ADARB2: variants seen among roughly 807,000 people sequenced by gnomAD.
ADARB2 encodes the protein adenosine deaminase RNA specific B2 (inactive).
ADARB2 carries 25 observed loss-of-function variants against 62.2 expected under a neutral mutation model. That is an observed-to-expected ratio of 0.40 (90% confidence interval 0.29 to 0.56). ADARB2 has a LOEUF of 0.56. ADARB2 is among the 20% of genes least tolerant of loss of function. The pLI, the probability that ADARB2 is intolerant of heterozygous loss-of-function variation, is 0.43. For synonymous variants in ADARB2, 572 were observed against 500.8 expected (o/e 1.14, Z -1.90); for missense variants, 1,071 against 1,077.4 (o/e 0.99, Z 0.08).
intron 1 of ADARB2, among the ~76,000 whole-genome samples, chr10:1,563,778 C>G (rs1203506957): frequency 1.1e-3 from 120 of 113,566 alleles, no homozygotes; most frequent in African/African-American, 3.4e-3. Context: ...TATCCCTCCC[C>G]CCTCCCCCCA....
chr10:1,737,211 T>C lies in ADARB2; in HGVS notation c.-61A>G. On this transcript the variant is annotated 5_prime_UTR_variant, in exon 1 of 10. Coordinates refer to ENST00000381312, the MANE Select transcript of ADARB2 (RefSeq NM_018702.4). ...CCTCCTGCACCTGCACCTGCCTCCT[T>C]CCCGGCAGCCGCCGCCGCCGCTGCT... is the stretch of plus-strand genomic sequence containing the variant. The C allele has an allele frequency of 2.6e-6, 4 of 1,553,228 alleles. No homozygotes were observed. Among genetic ancestry groups the C allele is most frequent in the African/African-American group, 1.4e-5 (1 of 74,008 alleles).
intron 1 of ADARB2, among the ~76,000 whole-genome samples, chr10:1,510,124 CTTTCTT>C (rs1554767648): frequency 1.7e-5 from 2 of 117,664 alleles, no homozygotes; most frequent in South Asian, 5.4e-4. Flanking sequence ...TTCTTTCTTT[CTTTCTT>C]TCTTTCTTTC....
At position 1,183,080 on chromosome 10, in the gene ADARB2, G is replaced by C. The variant is rs1239813447; in HGVS notation, c.*113C>G. ...AACATTGCACACTCGCGTGTTTCTG[G>C]GACACCAAAGTAAAACGAATGCAGG... is the stretch of plus-strand genomic sequence containing the variant. On this transcript the variant is annotated 3_prime_UTR_variant, in exon 10 of 10. Transcript: ENST00000381312. The C allele has an allele frequency of 4.0e-6, 5 of 1,238,400 alleles. No homozygotes were observed. The South Asian group carries it at 5.9e-5, about 15-fold the overall frequency. 76.7% of individuals were successfully genotyped at this position (1,238,400 alleles called of 1,614,324 possible). A position where few individuals can be genotyped will look rare whatever the true frequency, so the allele number is the denominator to read the frequency against.
intron 1 of ADARB2, among the ~76,000 whole-genome samples, chr10:1,508,755 C>T (rs930003215): frequency 1.3e-5 from 2 of 152,168 alleles, no homozygotes; most frequent in Admixed American, 1.3e-4. Context: ...TACACTCCAG[C>T]CTGGGTGACA....
intron 1 of ADARB2, among the ~76,000 whole-genome samples, chr10:1,609,472 C>G (rs1833540079): frequency 6.6e-6 from 1 of 152,248 alleles, no homozygotes; most frequent in Non-Finnish European, 1.5e-5. Context: ...CAAGAAGCCT[C>G]CTGGCCCGAG....
chr10:1,507,698 G>A (rs2131942424), intron 1 of ADARB2, among the ~76,000 whole-genome samples: 2 of 152,308 alleles, frequency 1.3e-5, no homozygotes, highest in South Asian at 4.1e-4. Context: ...GGAGGGGCAG[G>A]GTGCTGTCTG....
In ADARB2 at chr10:1,514,637, C is replaced by T. The variant is rs570778955; in HGVS notation, c.101-135477G>A. Among the ~76,000 whole-genome samples, 135 of 151,850 alleles carry T rather than the reference C, an allele frequency of 8.9e-4. 1 individual carries two copies. In the South Asian group the frequency reaches 0.017, roughly 19 times the overall value. ...CTTGGAGTGCTTGAAATGTGGCTGC[C>T]GAGACAGAGGAACTGAATTTTAAGT... On this transcript the variant is annotated intron_variant, in intron 1 of 9. Coordinates refer to ENST00000381312, the MANE Select transcript of ADARB2 (RefSeq NM_018702.4).
intron 1 of ADARB2, among the ~76,000 whole-genome samples, chr10:1,567,275 C>T (rs143277914): frequency 2.0e-5 from 3 of 152,250 alleles, no homozygotes; most frequent in Non-Finnish European, 4.4e-5. Context: ...ACTTCAAATC[C>T]TTTTCCAAGA....
chr10:1,348,284 C>T (rs1054139914), intron 3 of ADARB2, among the ~76,000 whole-genome samples: 5 of 152,140 alleles, frequency 3.3e-5, no homozygotes, highest in African/African-American at 1.2e-4. Flanking sequence ...TGCCTGTGCT[C>T]GTGGAAAGCT....
chr10:1,387,310 T>C (rs977667812), intron 1 of ADARB2, among the ~76,000 whole-genome samples: 48 of 151,576 alleles, frequency 3.2e-4, no homozygotes, highest in African/African-American at 1.2e-3. Flanking sequence ...GAAAAAACCC[T>C]AATGAAGCAA....
chr10:1,255,828 G>A lies in ADARB2; in HGVS notation c.1193-13529C>T, dbSNP rs1831074803. 6.6e-6 allele frequency among the ~76,000 whole-genome samples: 1 copy of A among 152,168 alleles called. No individual in the cohort carries two copies. The highest frequency in any genetic ancestry group is 6.5e-5 in the Admixed American group (1 of 15,278). On this transcript the variant is annotated intron_variant, in intron 4 of 9. Transcript: ENST00000381312. The surrounding 1 kb of genome is among the most constrained non-coding windows in gnomAD (Gnocchi z 4.7). ...CTCATGGTGGGTCAAACACACTATAGCCCCATCAGCGGGCAGGACAAGTTG... is the reference window on the plus strand; with the variant it reads ...CTCATGGTGGGTCAAACACACTATAACCCCATCAGCGGGCAGGACAAGTTG...
intron 1 of ADARB2, among the ~76,000 whole-genome samples, chr10:1,653,280 T>C (rs1429374757): frequency 6.6e-6 from 1 of 152,084 alleles, no homozygotes; most frequent in Non-Finnish European, 1.5e-5. Flanking sequence ...GCAGAAGGAC[T>C]TGGGGAGACA....
Position 1,552,751 on chromosome 10 carries a change from C to A in ADARB2, c.101-173591G>T, listed in dbSNP as rs566697127. 3.9e-5 allele frequency among the ~76,000 whole-genome samples: 6 copies of A among 152,098 alleles called. No homozygotes were observed. In the South Asian group the frequency reaches 1.0e-3, roughly 26 times the overall value. Reference sequence around the variant, plus strand: ...GGAGGGAGGGAAGGGGAGAGAAGGGCTTGAAGAGTGGCCCTGGAGTCAGAG... The same window carrying A: ...GGAGGGAGGGAAGGGGAGAGAAGGGATTGAAGAGTGGCCCTGGAGTCAGAG... On this transcript the variant is annotated intron_variant, in intron 1 of 9. Coordinates refer to ENST00000381312, the MANE Select transcript of ADARB2 (RefSeq NM_018702.4).
chr10:1,200,133 C>T lies in ADARB2; in HGVS notation c.1697G>A (p.Gly566Glu). The change falls in exon 8 of 10, where the codon GGG becomes GAG. Residue 566 changes from glycine to glutamate, a missense_variant. Physicochemically the swap from Gly to Glu is moderately conservative, Grantham distance 98. Transcript: ENST00000381312. The part of the protein sequence containing the change: ...TDKIARWNVL[G>E]LQGALLSHFV... ...GTGGGACAGGAGCGCGCCCTGCAGCCCCAGGACGTTCCACCTGTGGGGAGA... is the reference window on the plus strand; with the variant it reads ...GTGGGACAGGAGCGCGCCCTGCAGCTCCAGGACGTTCCACCTGTGGGGAGA... 6.4e-7 allele frequency: 1 copy of T among 1,550,682 alleles called. No homozygotes were observed. Among genetic ancestry groups the T allele is most frequent in the Non-Finnish European group, 8.7e-7 (1 of 1,147,314 alleles).
intron 1 of ADARB2, among the ~76,000 whole-genome samples, chr10:1,685,066 C>T (rs1027948879): frequency 2.6e-5 from 4 of 152,100 alleles, no homozygotes; most frequent in South Asian, 4.2e-4. Flanking sequence ...GGGAGAAGAC[C>T]GGACAGGACC....
rs534397130 is a variant in ADARB2, at chr10:1,240,537, A to G, written c.1361+1594T>C. 2.0e-3 allele frequency: 307 copies of G among 152,306 alleles called. 1 individual carries two copies. Among genetic ancestry groups the G allele is most frequent in the African/African-American group, 7.0e-3 (290 of 41,398 alleles). The allele number at this position is 152,306 out of a possible 1,614,324, so 9.4% of individuals were successfully genotyped here. A position where few individuals can be genotyped will look rare whatever the true frequency, so the allele number is the denominator to read the frequency against. On this transcript the variant is annotated intron_variant, in intron 5 of 9. Transcript: ENST00000381312. ...GCAGTCTTCCTGCCTCTGTGCCTGC[A>G]CTCTGCCCACAGCCACCATCCCCCA...
At chr10:1,607,574 C>T (rs998384912) in intron 1 of ADARB2, among the ~76,000 whole-genome samples, 1 of 152,064 alleles carries the variant, frequency 6.6e-6, no homozygotes, top group East Asian at 1.9e-4. Flanking sequence ...CACCTGCAGA[C>T]ATGGAGGGAC....
chr10:1,468,124 T>C (rs1831275487), intron 1 of ADARB2, among the ~76,000 whole-genome samples: 1 of 152,230 alleles, frequency 6.6e-6, no homozygotes, highest in African/African-American at 2.4e-5. Flanking sequence ...ATTTTCTGTG[T>C]TTCTCCCCTA....
intron 4 of ADARB2, among the ~76,000 whole-genome samples, chr10:1,247,284 A>G (rs1420945574): frequency 6.6e-6 from 1 of 152,210 alleles, no homozygotes; most frequent in East Asian, 1.9e-4. Context: ...AACAGAGACA[A>G]TTTGACTTTC....
Sources: allele counts gnomAD v4.1 joint callset (sites outside exome capture counted in the v4.1 genomes callset), GRCh38; gene constraint gnomAD v4.1.1; non-coding constraint Gnocchi (gnomAD v3.1); transcripts MANE v1.5; gene names NCBI Gene and HGNC (gene_info 2026-07-23, HGNC 2026-07-21).